Variants in SIGLEC1 observed in about 807,000 individuals in gnomAD.
SIGLEC1 encodes the protein sialoadhesin.
A neutral mutation model predicts 148.0 loss-of-function variants in SIGLEC1; 132 were observed. That is an observed-to-expected ratio of 0.89 (90% CI 0.77 to 1.03). SIGLEC1 has a LOEUF of 1.03. Ranked by LOEUF, SIGLEC1 falls within the 50% of genes least tolerant of loss-of-function variation. SIGLEC1 has a pLI of 0.00. For missense variants in SIGLEC1, 2,253 were observed against 2,271.4 expected, an observed-to-expected ratio of 0.99 and a Z score of 0.16; for synonymous variants, 945 against 969.0, an observed-to-expected ratio of 0.98 and a Z score of 0.46.
chr20:3,704,121 A>T lies in SIGLEC1; in HGVS notation c.707-30T>A, dbSNP rs2087875408. On this transcript the variant is annotated intron_variant, in intron 4 of 21. Coordinates refer to ENST00000344754, the MANE Select transcript of SIGLEC1 (RefSeq NM_023068.4). ...AAGTCACAGTAGGGGGTATTGGGTAAGGTGCTTGGGGAGGGCAGAGGATGG... is the reference window on the plus strand; with the variant it reads ...AAGTCACAGTAGGGGGTATTGGGTATGGTGCTTGGGGAGGGCAGAGGATGG... 7 of 1,598,372 alleles carry T rather than the reference A, an allele frequency of 4.4e-6. No homozygotes were observed. The East Asian group carries it at 1.6e-4, about 36-fold the overall frequency.
intron 1 of SIGLEC1, among the ~76,000 whole-genome samples, chr20:3,711,058 A>T (rs762590310): frequency 1.3e-5 from 2 of 152,150 alleles, no homozygotes; most frequent in Non-Finnish European, 2.9e-5. Flanking sequence ...TGGCCTAGTG[A>T]GCACGCAGCG....
At chr20:3,694,595 T>C (rs2088803727) in intron 12 of SIGLEC1, 63 bp from the exon 13 acceptor site, 1 of 1,564,106 alleles carries the variant, frequency 6.4e-7, no homozygotes, top group Admixed American at 1.8e-5. Flanking sequence ...GGCTCTGTCA[T>C]GTGACACAGC....
Position 3,696,757 on chromosome 20 carries a change from T to C in SIGLEC1, c.2512A>G (p.Thr838Ala). The C allele has an allele frequency of 3.1e-6, 5 of 1,613,090 alleles. No individual in the cohort carries two copies. The highest frequency in any genetic ancestry group is 4.2e-6 in the Non-Finnish European group (5 of 1,179,892). ...GATGGGACCTGGGGACCCAGGCTGG[T>C]GGCCAGGAGGTGCTCCCCATGGAAC... ...ALFHGEHLLA[T>A]SLGPQVPSHG... The change falls in exon 11 of 22, where the codon ACC (threonine) becomes GCC (alanine). Residue 838 changes from threonine (T) to alanine (A), a missense_variant. By Grantham distance (58) the Thr-to-Ala change is moderately conservative (BLOSUM62 0). Coordinates refer to ENST00000344754, the MANE Select transcript of SIGLEC1 (RefSeq NM_023068.4).
rs368691795 is a variant in SIGLEC1, at chr20:3,706,418, T to C, written c.338A>G (p.Tyr113Cys). 6.2e-7 allele frequency: 1 copy of C among 1,614,160 alleles called. No individual in the cohort carries two copies. The highest frequency in any genetic ancestry group is 1.1e-5 in the South Asian group (1 of 91,086). ...KDLQPEDSGS[Y>C]NFRFEISEVN... is the part of the protein sequence containing the mutation. ...CTCACTGATCTCGAAGCGGAAGTTG[T>C]AGGAACCAGAGTCCTCGGGCTGCAG... Residue 113 changes from tyrosine (Y) to cysteine (C), a missense_variant, in exon 3 of 22, where the codon TAC becomes TGC. Tyr to Cys is a radical substitution (Grantham distance 194). Coordinates refer to ENST00000344754, the MANE Select transcript of SIGLEC1 (RefSeq NM_023068.4).
chr20:3,693,225 C>T, intron 14 of SIGLEC1, 94 bp from the exon 15 acceptor site: 2 of 1,394,534 alleles, frequency 1.4e-6, no homozygotes, highest in Non-Finnish European at 1.9e-6. Context: ...GGCCCTGGCT[C>T]CCCACCCCTA....
In SIGLEC1 at chr20:3,687,581, CA is replaced by C. The variant is rs2088711453; in HGVS notation, c.*978del. 3 of 152,308 alleles carry C rather than the reference CA, an allele frequency of 2.0e-5. No homozygotes were observed. Among genetic ancestry groups the C allele is most frequent in the South Asian group, 4.1e-4 (2 of 4,826 alleles). The allele number at this position is 152,308 out of a possible 1,614,324, so 9.4% of individuals were successfully genotyped here. A position where few individuals can be genotyped will look rare whatever the true frequency, so the allele number is the denominator to read the frequency against. On this transcript the variant is annotated 3_prime_UTR_variant, in exon 22 of 22. Transcript: ENST00000344754. ...GCATGCTCTCTCCCTAGGAAAACAC[CA>C]AACCTTTTTTATTTCCTCAGTCTTA...
At position 3,693,030 on chromosome 20, in the gene SIGLEC1, C is replaced by T. The variant is rs200041613; in HGVS notation, c.3610G>A (p.Ala1204Thr). ...TVDSRPPAQL[A>T]LSHAGRLLAS... ...AAGAGGCGACCGGCGTGGCTGAGGGCCAGCTGGGCGGGCGGGCGGCTGTCC... is the reference window on the plus strand; with the variant it reads ...AAGAGGCGACCGGCGTGGCTGAGGGTCAGCTGGGCGGGCGGGCGGCTGTCC... Residue 1204 changes from alanine to threonine, a missense_variant, in exon 15 of 22, where the codon GCC becomes ACC. Coordinates refer to ENST00000344754, the MANE Select transcript of SIGLEC1 (RefSeq NM_023068.4). 2.9e-5 allele frequency: 47 copies of T among 1,611,194 alleles called. No homozygotes were observed. In the African/African-American group the frequency reaches 5.3e-4, roughly 18 times the overall value.
Position 3,691,855 on chromosome 20 carries a change from G to A in SIGLEC1, c.4330+48C>T, listed in dbSNP as rs568152349. 76 of 1,528,996 alleles carry A rather than the reference G, an allele frequency of 5.0e-5. 1 individual carries two copies. The highest frequency in any genetic ancestry group is 1.8e-4 in the Middle Eastern group (1 of 5,674). The allele number at this position is 1,528,996 out of a possible 1,614,324, so 94.7% of individuals were successfully genotyped here. A position where few individuals can be genotyped will look rare whatever the true frequency, so the allele number is the denominator to read the frequency against. ...GAGCTCCAGCCCCTCTCGTGGACTT[G>A]GACCTGAGAGCATCAGAGCCCCTCC... is the stretch of plus-strand genomic sequence containing the variant. On this transcript the variant is annotated intron_variant, in intron 17 of 21. Coordinates refer to ENST00000344754, the MANE Select transcript of SIGLEC1 (RefSeq NM_023068.4).
In SIGLEC1 at chr20:3,692,708, A is replaced by G; in HGVS notation, c.3843T>C (p.Cys1281=). 1 of 1,612,862 alleles carries G rather than the reference A, an allele frequency of 6.2e-7. No homozygotes were observed. The highest frequency in any genetic ancestry group is 1.1e-5 in the South Asian group (1 of 91,086). The part of the protein sequence containing the change: ...VPEGAPITVT[C]ADPAAHAPTL... ...TGGGTGCGTGGGCAGCAGGGTCCGC[A>G]CAGGTCACTGTGATGGGGGCACCTT... The change falls in exon 16 of 22, where the codon TGT becomes TGC. Residue 1281 remains cysteine, a synonymous_variant. Transcript: ENST00000344754.
rs1445954561 is a variant in SIGLEC1, at chr20:3,689,700, G to A, written c.4897C>T (p.Leu1633=). 2 of 1,572,780 alleles carry A rather than the reference G, an allele frequency of 1.3e-6. No individual in the cohort carries two copies. Among genetic ancestry groups the A allele is most frequent in the Non-Finnish European group, 1.7e-6 (2 of 1,159,192 alleles). Residue 1633 remains leucine, a splice_region_variant and synonymous_variant, in exon 20 of 22, where the codon CTG becomes TTG. Transcript: ENST00000344754. ...TGCTGGAACTGATGCAGGCGGTGCA[G>A]GGCTGGAACACAGAGCGGGACTCAG... The part of the protein sequence containing the change: ...STSTYFGVRA[L]HRLHQFQQLL...
rs73608190 is a variant in SIGLEC1, at chr20:3,691,074, G to A, written c.4591+266C>T. Among the ~76,000 whole-genome samples, 321 of 152,058 alleles carry A rather than the reference G, an allele frequency of 2.1e-3. 16 individuals carry two copies. The East Asian group carries it at 0.054, about 26-fold the overall frequency. On this transcript the variant is annotated intron_variant, in intron 18 of 21. Transcript: ENST00000344754. The stretch of plus-strand genomic sequence containing the variant: ...TTGAACTCCTGACCTCAAGTGATCC[G>A]CCCACCTCAGCCTCTCAAAGTGCTG...
chr20:3,705,331 C>T (rs1309203071), intron 4 of SIGLEC1, among the ~76,000 whole-genome samples: 2 of 152,174 alleles, frequency 1.3e-5, no homozygotes, highest in Non-Finnish European at 2.9e-5. Flanking sequence ...ATCTGTGAGA[C>T]AGGAACCATC....
Position 3,699,187 on chromosome 20 carries a change from G to T in SIGLEC1, c.1786+15C>A, listed in dbSNP as rs1568843808. 1.2e-6 allele frequency: 2 copies of T among 1,606,442 alleles called. No homozygotes were observed. The highest frequency in any genetic ancestry group is 1.7e-6 in the Non-Finnish European group (2 of 1,177,972). ...GGGTCCCGGCAGGAGGCTGCAACAG[G>T]TGGTGGCTGCTCACAGAGCACAGTG... On this transcript the variant is annotated intron_variant, in intron 8 of 21. Coordinates refer to ENST00000344754, the MANE Select transcript of SIGLEC1 (RefSeq NM_023068.4).
chr20:3,697,466 G>T, intron 9 of SIGLEC1, 124 bp from the exon 10 acceptor site: 2 of 1,230,532 alleles, frequency 1.6e-6, no homozygotes, highest in Non-Finnish European at 2.3e-6. Context: ...GGGGAGAAAA[G>T]CAAGCTAGCT....
chr20:3,697,296 T>C lies in SIGLEC1; in HGVS notation c.2169A>G (p.Thr723=), dbSNP rs369042640. Residue 723 remains threonine, a synonymous_variant, in exon 10 of 22, where the codon ACA becomes ACG. Coordinates refer to ENST00000344754, the MANE Select transcript of SIGLEC1 (RefSeq NM_023068.4). ...IAPSHTLQEG[T]EANLTCNVSR... is the part of the protein sequence containing the mutation. ...TCACGTTGCAAGTCAAGTTGGCTTC[T>C]GTGCCCTCCTGAAGTGTGTGTGATG... 8.4e-5 allele frequency: 136 copies of C among 1,613,974 alleles called. No homozygotes were observed. The East Asian group carries it at 9.6e-4, about 11-fold the overall frequency.
At chr20:3,709,046 CAAAAAAA>C in intron 1 of SIGLEC1, among the ~76,000 whole-genome samples, 1 of 80,026 alleles carries the variant, frequency 1.2e-5, no homozygotes, top group East Asian at 3.7e-4. Flanking sequence ...TCTTCTGTCT[CAAAAAAA>C]AAAAAAAAAA....
At chr20:3,691,748 C>T (rs372746447) in intron 17 of SIGLEC1, 148 bp from the exon 18 acceptor site, 4 of 1,327,772 alleles carry the variant, frequency 3.0e-6, no homozygotes, top group East Asian at 4.7e-5. Context: ...ACCATGCCCC[C>T]TCCAGTGGGA....
rs2087867187 is a variant in SIGLEC1 at position 3,703,365 on chromosome 20, T to C, written c.1060A>G (p.Ser354Gly). 6.2e-7 allele frequency: 1 copy of C among 1,613,546 alleles called. No individual in the cohort carries two copies. Among genetic ancestry groups the C allele is most frequent in the Non-Finnish European group, 8.5e-7 (1 of 1,179,744 alleles). The change falls in exon 6 of 22, where the codon AGT becomes GGT. Residue 354 changes from serine to glycine, a missense_variant. Physicochemically the swap from Ser to Gly is moderately conservative, Grantham distance 56. Transcript: ENST00000344754. ...TTGTACCAGCTGTAGCGGAGATCAC[T>C]GGGTGCCTCATTGGGTGTGTTGCAG... ...LVCNTPNEAP[S>G]DLRYSWYKNH... is the part of the protein sequence containing the mutation.
Position 3,688,285 on chromosome 20 carries a change from GA to G in SIGLEC1, c.*274del. On this transcript the variant is annotated 3_prime_UTR_variant, in exon 22 of 22. Coordinates refer to ENST00000344754, the MANE Select transcript of SIGLEC1 (RefSeq NM_023068.4). ...AAAGGGCAGGGCTTCCTTTGAGGGA[GA>G]AATGGAGAGAAGGGAGGAGATCCAG... 1 of 448,388 alleles carries G rather than the reference GA, an allele frequency of 2.2e-6. No homozygotes were observed. The highest frequency in any genetic ancestry group is 4.1e-6 in the Non-Finnish European group (1 of 242,318). The allele number at this position is 448,388 out of a possible 1,614,324, so 27.8% of individuals were successfully genotyped here. A position where few individuals can be genotyped will look rare whatever the true frequency, so the allele number is the denominator to read the frequency against.
Sources: gnomAD v4.1 joint callset for allele counts (sites outside exome capture counted in the v4.1 genomes callset) on GRCh38, gnomAD v4.1.1 for gene constraint, MANE v1.5 for transcripts, NCBI Gene and HGNC (gene_info 2026-07-23, HGNC 2026-07-21) for gene names.